The following CSMD2 variants were observed in gnomAD, a reference collection of about 807,000 sequenced individuals.
CSMD2 encodes the protein CUB and Sushi multiple domains 2.
Under a neutral mutation model 398.5 loss-of-function variants are expected in CSMD2, and 130 were observed. The observed-to-expected ratio is 0.33, with a 90% confidence interval of 0.28 to 0.38. The LOEUF (loss-of-function observed/expected upper bound fraction) is 0.38. CSMD2 is among the 10% of genes least tolerant of loss of function. The pLI is 1.00. For synonymous variants in CSMD2, 1,828 were observed against 1,908.5 expected, an observed-to-expected ratio of 0.96 and a Z score of 1.10; for missense variants, 3,829 against 4,764.9, an observed-to-expected ratio of 0.80 and a Z score of 5.78.
rs551445203 is a variant in CSMD2, at chr1:33,636,591, G to C, written c.4775-37C>G. On this transcript the variant is annotated intron_variant, in intron 29 of 70. Coordinates refer to ENST00000373381, the MANE Select transcript of CSMD2 (RefSeq NM_001281956.2). The surrounding 1 kb of genome is among the most constrained non-coding windows in gnomAD (Gnocchi z 4.8). The stretch of plus-strand genomic sequence containing the variant: ...AAATACAAACACGTGCACACACACA[G>C]AGGGCTCATGAGGAGGCTATTCTTG... 4.2e-5 allele frequency: 66 copies of C among 1,567,730 alleles called. No homozygotes were observed. In the Admixed American group the frequency reaches 7.7e-4, roughly 18 times the overall value.
intron 12 of CSMD2, 90 bp downstream of exon 12, chr1:33,788,507 CAAA>C (rs57878978): frequency 6.1e-3 from 3,127 of 515,912 alleles, no homozygotes; most frequent in East Asian, 0.011. Flanking sequence ...GACTCCGTCT[CAAA>C]AAAAAAAAAA....
At chr1:33,973,931 C>T (rs923777803) in intron 3 of CSMD2, among the ~76,000 whole-genome samples, 2 of 152,174 alleles carry the variant, frequency 1.3e-5, no homozygotes, top group Non-Finnish European at 2.9e-5. Context: ...TGGGCTGCTG[C>T]AGTCTGAGCA....
At chr1:33,690,238 C>A (rs561799708) in intron 25 of CSMD2, among the ~76,000 whole-genome samples, 1 of 152,326 alleles carries the variant, frequency 6.6e-6, no homozygotes, top group African/African-American at 2.4e-5. Flanking sequence ...CTGCGGGAAC[C>A]ATTTCCAGCT....
chr1:33,974,742 A>C (rs1645899230), intron 3 of CSMD2, among the ~76,000 whole-genome samples: 1 of 152,214 alleles, frequency 6.6e-6, no homozygotes, highest in African/African-American at 2.4e-5. Flanking sequence ...TGAGCTTGAA[A>C]GTCAGATAAG....
chr1:33,684,502 C>T (rs941872410), intron 25 of CSMD2, among the ~76,000 whole-genome samples: 1 of 152,138 alleles, frequency 6.6e-6, no homozygotes, highest in Non-Finnish European at 1.5e-5. Flanking sequence ...AGCTTCAACC[C>T]GAACCACATT....
At chr1:33,985,546 G>A (rs1646329937) in intron 3 of CSMD2, among the ~76,000 whole-genome samples, 1 of 152,206 alleles carries the variant, frequency 6.6e-6, no homozygotes, top group Admixed American at 6.5e-5. Context: ...TCAAGCCAGT[G>A]GAGTCGAAAC....
Position 33,724,660 on chromosome 1 carries a change from C to T in CSMD2, c.2740G>A (p.Val914Ile). The change falls in exon 18 of 71, where the codon GTA (valine) becomes ATA (isoleucine). Residue 914 changes from valine (V) to isoleucine (I), a missense_variant. Coordinates refer to ENST00000373381, the MANE Select transcript of CSMD2 (RefSeq NM_001281956.2). Reference sequence around the variant, plus strand: ...TCATTCCCATGACGCTGTCCATTTACTGGGATTCCTGGATCCAGACAGTGG... The same window carrying T: ...TCATTCCCATGACGCTGTCCATTTATTGGGATTCCTGGATCCAGACAGTGG... ...SDHCLDPGIP[V>I]NGQRHGNDFY... The T allele has an allele frequency of 6.2e-7, 1 of 1,614,208 alleles. No homozygotes were observed. The highest frequency in any genetic ancestry group is 8.5e-7 in the Non-Finnish European group (1 of 1,180,034).
intron 3 of CSMD2, among the ~76,000 whole-genome samples, chr1:33,983,224 T>C (rs1646233581): frequency 6.6e-6 from 1 of 152,206 alleles, no homozygotes; most frequent in Non-Finnish European, 1.5e-5. Flanking sequence ...AGATGGCTTT[T>C]TAAAAAAATA....
intron 20 of CSMD2, 53 bp from the exon 21 acceptor site, chr1:33,714,828 G>A (rs1375259049): frequency 6.3e-7 from 1 of 1,580,510 alleles, no homozygotes; most frequent in East Asian, 2.3e-5. Flanking sequence ...GAGACACAAA[G>A]CAAAAAGATG....
chr1:33,622,218 A>G lies in CSMD2; in HGVS notation c.5776T>C (p.Phe1926Leu). 6.2e-7 allele frequency: 1 copy of G among 1,614,056 alleles called. No individual in the cohort carries two copies. Among genetic ancestry groups the G allele is most frequent in the African/African-American group, 1.3e-5 (1 of 74,998 alleles). ...NSTSNQLYLH[F>L]YSDISVSAAG... ...GCAGATACGCTGATATCTGAGTAGA[A>G]ATGAAGGTAGAGCTGGTTGGAGGTG... Residue 1926 changes from phenylalanine (F) to leucine (L), a missense_variant, in exon 37 of 71, where the codon TTC (phenylalanine) becomes CTC (leucine). Transcript: ENST00000373381.
At chr1:33,645,528 T>C (rs1643378851) in intron 29 of CSMD2, among the ~76,000 whole-genome samples, 1 of 152,080 alleles carries the variant, frequency 6.6e-6, no homozygotes, top group Admixed American at 6.5e-5. Flanking sequence ...GGAAGGGAGC[T>C]GGGATTTAGA....
intron 5 of CSMD2, among the ~76,000 whole-genome samples, chr1:33,849,300 T>G (rs534411098): frequency 1.4e-4 from 22 of 152,196 alleles, no homozygotes; most frequent in Non-Finnish European, 3.1e-4. Context: ...GATGGTGTCA[T>G]GCCTTGCTCG....
At chr1:33,660,099 G>T (rs1046520578) in intron 26 of CSMD2, among the ~76,000 whole-genome samples, 1 of 152,154 alleles carries the variant, frequency 6.6e-6, no homozygotes. Flanking sequence ...TATATGGGAG[G>T]CAATAGAGTA....
At chr1:33,627,336 G>C (rs1010306025) in intron 32 of CSMD2, among the ~76,000 whole-genome samples, 4 of 152,252 alleles carry the variant, frequency 2.6e-5, no homozygotes, top group Admixed American at 2.6e-4. Context: ...CCAGGGGAGA[G>C]ACAGCACCAA....
rs1349106039 is a variant in CSMD2 at position 33,788,729 on chromosome 1, A to C, written c.1551-17T>G. 1 of 1,465,170 alleles carries C rather than the reference A, an allele frequency of 6.8e-7. No homozygotes were observed. Among genetic ancestry groups the C allele is most frequent in the African/African-American group, 1.4e-5 (1 of 71,862 alleles). 90.8% of individuals were successfully genotyped at this position (1,465,170 alleles called of 1,614,324 possible). ...CCTGTCAGGCTGGCAGGAGAGAGAT[A>C]TTTAGAGGTGTGCTCTCCACCATGA... On this transcript the variant is annotated splice_polypyrimidine_tract_variant and intron_variant, in intron 11 of 70. Coordinates refer to ENST00000373381, the MANE Select transcript of CSMD2 (RefSeq NM_001281956.2).
chr1:34,066,386 C>A lies in CSMD2; in HGVS notation c.404+22591G>T, dbSNP rs148169790. Among the ~76,000 whole-genome samples, 971 of 152,262 alleles carry A rather than the reference C, an allele frequency of 6.4e-3. 11 individuals are homozygous for A. The highest frequency in any genetic ancestry group is 0.022 in the African/African-American group (914 of 41,544). ...CTCTGCCTTGGAATTTCCTTTCCCT[C>A]GGAATTTCCTCTCCCTCAGCGTTCC... On this transcript the variant is annotated intron_variant, in intron 2 of 70. Transcript: ENST00000373381.
At chr1:33,918,406 C>T in intron 4 of CSMD2, 105 bp from the exon 5 acceptor site, 1 of 909,876 alleles carries the variant, frequency 1.1e-6, no homozygotes, top group Non-Finnish European at 1.7e-6. Flanking sequence ...CCCAAGAGTA[C>T]AATTCACAGT....
intron 3 of CSMD2, among the ~76,000 whole-genome samples, chr1:33,958,894 C>T (rs1645255915): frequency 6.6e-6 from 1 of 152,150 alleles, no homozygotes; most frequent in Non-Finnish European, 1.5e-5. Context: ...AGAAAGAAAG[C>T]TGAAACAGTT....
intron 15 of CSMD2, among the ~76,000 whole-genome samples, chr1:33,734,802 A>G (rs922971426): frequency 3.9e-5 from 6 of 152,068 alleles, no homozygotes; most frequent in African/African-American, 9.7e-5. Context: ...AAAAAGAAAA[A>G]AGAAAAAGAA....
Sources: allele counts gnomAD v4.1 joint callset (sites outside exome capture counted in the v4.1 genomes callset), GRCh38; gene constraint gnomAD v4.1.1; non-coding constraint Gnocchi (gnomAD v3.1); transcripts MANE v1.5; gene names NCBI Gene and HGNC (gene_info 2026-07-23, HGNC 2026-07-21).